DUOXA2: variants seen among roughly 807,000 people sequenced by gnomAD.
The protein encoded by DUOXA2 is dual oxidase maturation factor 2.
Under a neutral mutation model 27.6 loss-of-function variants are expected in DUOXA2, and 22 were observed. The ratio of observed to expected loss-of-function variants is 0.80; its 90% CI spans 0.57 to 1.14. The LOEUF (loss-of-function observed/expected upper bound fraction) is 1.14, where lower values mean the gene tolerates loss of function less well. Ranked by LOEUF, DUOXA2 falls within the 50% of genes most tolerant of loss-of-function variation. The probability of loss-of-function intolerance (pLI) is 0.00; values close to 1 mark genes in which losing one functional copy is unlikely to be tolerated. For missense variants in DUOXA2, 481 were observed against 419.9 expected, an observed-to-expected ratio of 1.15 and a Z score of -1.27; for synonymous variants, 188 against 184.4, an observed-to-expected ratio of 1.02 and a Z score of -0.16.
In DUOXA2 at chr15:45,117,135, C is replaced by A. The variant is rs769301817; in HGVS notation, c.599C>A (p.Thr200Lys). ...FWLLSNVLLS[T>K]PAPLYGGLAL... is the part of the protein sequence containing the mutation. ...CTCCTCTCCAACGTGCTGCTCTCCACGCCGGCCCCGCTCTACGGAGGCCTG... is the reference window on the plus strand; with the variant it reads ...CTCCTCTCCAACGTGCTGCTCTCCAAGCCGGCCCCGCTCTACGGAGGCCTG... The change falls in exon 5 of 6, where the codon ACG becomes AAG. Residue 200 changes from threonine (T) to lysine (K), a missense_variant. Transcript: ENST00000323030. 3.7e-6 allele frequency: 6 copies of A among 1,601,670 alleles called. No individual in the cohort carries two copies. Among genetic ancestry groups the A allele is most frequent in the Middle Eastern group, 1.7e-4 (1 of 5,984 alleles).
At position 45,114,510 on chromosome 15, in the gene DUOXA2, CAA is replaced by C. The variant is rs1179788059; in HGVS notation, c.-94_-93del. On this transcript the variant is annotated 5_prime_UTR_variant, in exon 1 of 6. Coordinates refer to ENST00000323030, the MANE Select transcript of DUOXA2 (RefSeq NM_207581.4). The stretch of plus-strand genomic sequence containing the variant: ...GCCCACTCGGTCCCAGCCTTGTACG[CAA>C]AGAGACGCCAAGGACGCGCTCTCCC... 1 of 1,551,022 alleles carries C rather than the reference CAA, an allele frequency of 6.4e-7. No individual in the cohort carries two copies. The highest frequency in any genetic ancestry group is 8.7e-7 in the Non-Finnish European group (1 of 1,145,320).
chr15:45,115,997 G>T, intron 2 of DUOXA2, 127 bp from the exon 3 acceptor site: 3 of 1,591,190 alleles, frequency 1.9e-6, no homozygotes, highest in South Asian at 1.1e-5. Context: ...CCACTTTTTG[G>T]CCCTTACCAT....
At chr15:45,116,801 C>T in intron 4 of DUOXA2, 72 bp downstream of exon 4, 4 of 1,552,688 alleles carry the variant, frequency 2.6e-6, no homozygotes, top group Non-Finnish European at 1.8e-6. Context: ...CGGGAGGATG[C>T]AGGCCTCGGA....
rs762399437 is a variant in DUOXA2, at chr15:45,114,508, C to G, written c.-98C>G. ...CAGCCCACTCGGTCCCAGCCTTGTA[C>G]GCAAAGAGACGCCAAGGACGCGCTC... On this transcript the variant is annotated 5_prime_UTR_variant, in exon 1 of 6. Coordinates refer to ENST00000323030, the MANE Select transcript of DUOXA2 (RefSeq NM_207581.4). The G allele has an allele frequency of 1.5e-5, 23 of 1,538,952 alleles. No individual in the cohort carries two copies. Among genetic ancestry groups the G allele is most frequent in the East Asian group, 2.4e-5 (1 of 42,360 alleles).
intron 5 of DUOXA2, 165 bp downstream of exon 5, chr15:45,117,470 T>TG (rs1566983489): frequency 1.9e-6 from 3 of 1,548,202 alleles, no homozygotes; most frequent in African/African-American, 1.4e-5. Context: ...AGATGAAAAG[T>TG]GGGGGGCTCA....
At chr15:45,117,525 G>A (rs763486838) in intron 5 of DUOXA2, 191 bp from the exon 6 acceptor site, 1 of 1,557,334 alleles carries the variant, frequency 6.4e-7, no homozygotes, top group Non-Finnish European at 8.7e-7. Context: ...TCAGATTAGA[G>A]GTGTGTGGCG....
chr15:45,114,581 G>C lies in DUOXA2; in HGVS notation c.-25G>C. On this transcript the variant is annotated 5_prime_UTR_variant, in exon 1 of 6. Transcript: ENST00000323030. ...CTTGCTGGCTTGCCTGCCCGCCTGCGTGCAGCACTCGGCCGGCGTGCAGCA... is the reference window on the plus strand; with the variant it reads ...CTTGCTGGCTTGCCTGCCCGCCTGCCTGCAGCACTCGGCCGGCGTGCAGCA... 1.9e-6 allele frequency: 3 copies of C among 1,612,856 alleles called. No homozygotes were observed. The highest frequency in any genetic ancestry group is 1.7e-6 in the Non-Finnish European group (2 of 1,179,810).
At chr15:45,116,869 G>C (rs928392060) in intron 4 of DUOXA2, 140 bp downstream of exon 4, 4 of 1,058,764 alleles carry the variant, frequency 3.8e-6, no homozygotes, top group Non-Finnish European at 4.0e-6. Context: ...ACAGCCTCGC[G>C]GGTTAGAAGA....
rs1894547410 is a variant in DUOXA2 at position 45,114,402 on chromosome 15, CT to C, written c.-203del. 1 of 640,108 alleles carries C rather than the reference CT, an allele frequency of 1.6e-6. No homozygotes were observed. The highest frequency in any genetic ancestry group is 2.8e-5 in the Admixed American group (1 of 35,336). The allele number at this position is 640,108 out of a possible 1,614,324, so 39.7% of individuals were successfully genotyped here. A position where few individuals can be genotyped will look rare whatever the true frequency, so the allele number is the denominator to read the frequency against. On this transcript the variant is annotated 5_prime_UTR_variant, in exon 1 of 6. Transcript: ENST00000323030. ...GTTTCGCTCGCCGGCTAGAAAAACT[CT>C]GTCGGTACCAACCCCAGAGCGTTGA... is the stretch of plus-strand genomic sequence containing the variant.
intron 2 of DUOXA2, 39 bp downstream of exon 2, chr15:45,115,895 G>A: frequency 6.2e-7 from 1 of 1,613,954 alleles, no homozygotes; most frequent in Non-Finnish European, 8.5e-7. Context: ...AGGACGGGGT[G>A]AGGAAGGAGG....
rs1894553932 is a variant in DUOXA2, at chr15:45,114,599, G to A, written c.-7G>A. ...CGCCTGCGTGCAGCACTCGGCCGGCGTGCAGCATGACCCTGTGGAACGGCG... is the reference window on the plus strand; with the variant it reads ...CGCCTGCGTGCAGCACTCGGCCGGCATGCAGCATGACCCTGTGGAACGGCG... On this transcript the variant is annotated 5_prime_UTR_variant, in exon 1 of 6. It adds an upstream start codon to the 5' untranslated region. Transcript: ENST00000323030. The A allele has an allele frequency of 3.7e-6, 6 of 1,613,778 alleles. No individual in the cohort carries two copies. Among genetic ancestry groups the A allele is most frequent in the Non-Finnish European group, 3.4e-6 (4 of 1,179,970 alleles).
Position 45,118,095 on chromosome 15 carries a change from G to A in DUOXA2, c.*186G>A. ...CTGTAAATAAACCTTTTTTTCTTTT[G>A]TTTTTTAAAAACTGTTTTTCCCATT... On this transcript the variant is annotated 3_prime_UTR_variant, in exon 6 of 6. Coordinates refer to ENST00000323030, the MANE Select transcript of DUOXA2 (RefSeq NM_207581.4). The A allele has an allele frequency of 6.6e-7, 1 of 1,510,220 alleles. No individual in the cohort carries two copies. The highest frequency in any genetic ancestry group is 2.3e-5 in the Admixed American group (1 of 43,008). The allele number at this position is 1,510,220 out of a possible 1,614,324, so 93.6% of individuals were successfully genotyped here.
chr15:45,117,899 C>T lies in DUOXA2; in HGVS notation c.953C>T (p.Thr318Ile), dbSNP rs1894777700. The change falls in exon 6 of 6, where the codon ACT (threonine) becomes ATT (isoleucine). Residue 318 changes from threonine (T) to isoleucine (I), a missense_variant. Thr to Ile is a moderately conservative substitution (Grantham distance 89). Coordinates refer to ENST00000323030, the MANE Select transcript of DUOXA2 (RefSeq NM_207581.4). The stretch of plus-strand genomic sequence containing the variant: ...CTCCCAGACTTAAAATGTATCACCA[C>T]TAACCTGTGAGGGGGACCCAATCTG... ...AALPDLKCIT[T>I]NL is the part of the protein sequence containing the mutation. The T allele has an allele frequency of 5.0e-6, 8 of 1,613,300 alleles. No homozygotes were observed. Among genetic ancestry groups the T allele is most frequent in the Non-Finnish European group, 5.9e-6 (7 of 1,180,054 alleles).
In DUOXA2 at chr15:45,116,536, A is replaced by G; in HGVS notation, c.361A>G (p.Asn121Asp). Reference sequence around the variant, plus strand: ...CACAGGGACCCCAGTGCATCAGCTGAACGAGACCATTGACTACAACGAGCA... The same window carrying G: ...CACAGGGACCCCAGTGCATCAGCTGGACGAGACCATTGACTACAACGAGCA... ...TLTGTPVHQLNETIDYNEQFT... is the reference protein window; with the variant it reads ...TLTGTPVHQLDETIDYNEQFT... Residue 121 changes from asparagine (N) to aspartate (D), a missense_variant, in exon 4 of 6, where the codon AAC (asparagine) becomes GAC (aspartate). Physicochemically the swap from Asn to Asp is conservative, Grantham distance 23. Transcript: ENST00000323030. 1 of 1,613,924 alleles carries G rather than the reference A, an allele frequency of 6.2e-7. No individual in the cohort carries two copies. The highest frequency in any genetic ancestry group is 8.5e-7 in the Non-Finnish European group (1 of 1,180,030).
chr15:45,115,816 G>A lies in DUOXA2; in HGVS notation c.165G>A (p.Val55=). ...TCCTGCAGCGCTGGTTTTGGTTGGT[G>A]AGAGTTCTTCTCAGTCTGTTCATAG... The part of the protein sequence containing the change: ...IRGHSRWFWL[V]RVLLSLFIGA... Residue 55 remains valine (V), a synonymous_variant, in exon 2 of 6, where the codon GTG becomes GTA. Transcript: ENST00000323030. 1 of 1,614,142 alleles carries A rather than the reference G, an allele frequency of 6.2e-7. No homozygotes were observed. Among genetic ancestry groups the A allele is most frequent in the Non-Finnish European group, 8.5e-7 (1 of 1,180,034 alleles).
chr15:45,116,639 T>C lies in DUOXA2; in HGVS notation c.464T>C (p.Leu155Pro), dbSNP rs1894647586. The C allele has an allele frequency of 6.2e-7, 1 of 1,613,776 alleles. No individual in the cohort carries two copies. The highest frequency in any genetic ancestry group is 1.7e-5 in the Admixed American group (1 of 60,008). ...ALEKGLPDPV[L>P]YLAEKFTPSS... ...GAGAAGGGGCTGCCGGACCCAGTGC[T>C]CTACCTGGCGGAGAAGTTCACACCG... The change falls in exon 4 of 6, where the codon CTC (leucine) becomes CCC (proline). Residue 155 changes from leucine to proline, a missense_variant. Leu to Pro is a moderately conservative substitution (Grantham distance 98). Coordinates refer to ENST00000323030, the MANE Select transcript of DUOXA2 (RefSeq NM_207581.4).
intron 1 of DUOXA2, 33 bp from the exon 2 acceptor site, chr15:45,115,766 G>A: frequency 6.2e-7 from 1 of 1,614,082 alleles, no homozygotes; most frequent in Non-Finnish European, 8.5e-7. Context: ...GTTTGGCAGG[G>A]CTCAGGCCTG....
rs767104514 is a variant in DUOXA2 at position 45,117,255 on chromosome 15, C to A, written c.719C>A (p.Ser240Tyr). 5.5e-5 allele frequency: 88 copies of A among 1,609,820 alleles called. 1 individual carries two copies. The Admixed American group carries it at 1.4e-3, about 26-fold the overall frequency. The change falls in exon 5 of 6, where the codon TCC (serine) becomes TAC (tyrosine). Residue 240 changes from serine to tyrosine, a missense_variant. Ser to Tyr is a moderately radical substitution (Grantham distance 144, BLOSUM62 -2). Coordinates refer to ENST00000323030, the MANE Select transcript of DUOXA2 (RefSeq NM_207581.4). The part of the protein sequence containing the change: ...VPLCPLRLGS[S>Y]ALTTQYGAAF... Reference sequence around the variant, plus strand: ...CTCTGCCCGCTCCGCCTAGGCTCCTCCGCGCTCACCACTCAGTACGGCGCC... The same window carrying A: ...CTCTGCCCGCTCCGCCTAGGCTCCTACGCGCTCACCACTCAGTACGGCGCC...
chr15:45,116,935 C>A, intron 4 of DUOXA2, 156 bp from the exon 5 acceptor site: 1 of 1,084,962 alleles, frequency 9.2e-7, no homozygotes, highest in Non-Finnish European at 1.3e-6. Context: ...GCCTGGACCT[C>A]AGGAGCCCGC....
Sources: allele counts gnomAD v4.1 joint callset, GRCh38; gene constraint gnomAD v4.1.1; transcripts MANE v1.5; gene names NCBI Gene and HGNC (gene_info 2026-07-23, HGNC 2026-07-21).